PTPRD: variants seen among roughly 807,000 people sequenced by gnomAD.
PTPRD encodes the protein protein tyrosine phosphatase receptor type D, also known as receptor-type tyrosine-protein phosphatase delta.
In PTPRD, 34 loss-of-function variants were observed where a neutral mutation model predicts 214.5. The ratio of observed to expected loss-of-function variants is 0.16; its 90% CI spans 0.12 to 0.21. The LOEUF (loss-of-function observed/expected upper bound fraction) is 0.21, where lower values mean the gene tolerates loss of function less well. Ranked by LOEUF, PTPRD falls within the 10% of genes least tolerant of loss-of-function variation. The pLI is 1.00. For missense variants in PTPRD, 2,545 were observed against 2,398.7 expected, an observed-to-expected ratio of 1.06 and a Z score of -1.27; for synonymous variants, 1,128 against 845.7, an observed-to-expected ratio of 1.33 and a Z score of -5.79.
intron 5 of PTPRD, among the ~76,000 whole-genome samples, chr9:9,915,985 A>T (rs1331550776): frequency 6.6e-6 from 1 of 151,988 alleles, no homozygotes; most frequent in Non-Finnish European, 1.5e-5. Flanking sequence ...ATTAAGTAAC[A>T]TATAAGGGAA....
intron 3 of PTPRD, among the ~76,000 whole-genome samples, chr9:10,188,841 T>A (rs2099349597): frequency 1.3e-5 from 2 of 152,148 alleles, no homozygotes; most frequent in African/African-American, 4.8e-5. Context: ...TATCAGTTAT[T>A]TATGAGGCAA....
chr9:8,631,892 C>G (rs537264702), intron 14 of PTPRD, among the ~76,000 whole-genome samples: 28 of 151,788 alleles, frequency 1.8e-4, no homozygotes, highest in African/African-American at 6.3e-4. Flanking sequence ...ATGTGTTGGT[C>G]AGGGAATGGG....
At chr9:9,917,390 C>A (rs10978085) in intron 5 of PTPRD, among the ~76,000 whole-genome samples, 2 of 126,744 alleles carry the variant, frequency 1.6e-5, no homozygotes, top group Admixed American at 8.8e-5. Flanking sequence ...GAATACAAAA[C>A]ATTATTAGAG....
At chr9:9,209,542 C>T (rs1196950315) in intron 9 of PTPRD, among the ~76,000 whole-genome samples, 2 of 152,036 alleles carry the variant, frequency 1.3e-5, no homozygotes, top group African/African-American at 4.8e-5. Context: ...TTTTTTAAAT[C>T]TTAGAGATAT....
At chr9:8,526,706 G>C in intron 16 of PTPRD, 62 bp from the exon 17 acceptor site, 2 of 1,401,262 alleles carry the variant, frequency 1.4e-6, no homozygotes, top group Non-Finnish European at 2.0e-6. Flanking sequence ...CGAGAAGAAG[G>C]AGGCTAGGGC....
At chr9:10,316,028 C>A (rs1415637611) in intron 3 of PTPRD, among the ~76,000 whole-genome samples, 2 of 151,012 alleles carry the variant, frequency 1.3e-5, no homozygotes, top group Non-Finnish European at 3.0e-5. Context: ...ACAAAGTGAG[C>A]TGAACATAGT....
At chr9:8,968,579 C>T (rs1310259340) in intron 11 of PTPRD, among the ~76,000 whole-genome samples, 1 of 151,936 alleles carries the variant, frequency 6.6e-6, no homozygotes, top group African/African-American at 2.4e-5. Context: ...TCATTCAGTT[C>T]TTACCATAAT....
chr9:10,602,409 T>C (rs1368910011), intron 2 of PTPRD, among the ~76,000 whole-genome samples: 1 of 151,720 alleles, frequency 6.6e-6, no homozygotes, highest in East Asian at 1.9e-4. Flanking sequence ...GAGGATTATT[T>C]TATTCAACTT....
intron 10 of PTPRD, among the ~76,000 whole-genome samples, chr9:9,087,109 G>C (rs1271756240): frequency 1.3e-5 from 2 of 151,980 alleles, no homozygotes; most frequent in Non-Finnish European, 2.9e-5. Context: ...CTCTGAGTTG[G>C]CTTTTTTTTC....
intron 3 of PTPRD, among the ~76,000 whole-genome samples, chr9:10,212,331 G>C (rs972890997): frequency 1.3e-5 from 2 of 152,084 alleles, no homozygotes; most frequent in African/African-American, 2.4e-5. Context: ...TTTGGTAGCA[G>C]CTAAGCATAA....
At chr9:9,127,970 C>G (rs1455207485) in intron 10 of PTPRD, among the ~76,000 whole-genome samples, 1 of 152,166 alleles carries the variant, frequency 6.6e-6, no homozygotes, top group South Asian at 2.1e-4. Context: ...CTTCTTTTGC[C>G]TCTATTAACC....
intron 3 of PTPRD, among the ~76,000 whole-genome samples, chr9:10,200,153 C>T (rs576005045): frequency 6.6e-6 from 1 of 152,024 alleles, no homozygotes; most frequent in Non-Finnish European, 1.5e-5. Flanking sequence ...CTTTTACCTC[C>T]CTCTTGTTTC....
intron 2 of PTPRD, among the ~76,000 whole-genome samples, chr9:10,434,756 T>C (rs2098706164): frequency 6.6e-6 from 1 of 152,066 alleles, no homozygotes; most frequent in East Asian, 1.9e-4. Context: ...GTAATTTGTT[T>C]TGTCAAAGCT....
intron 11 of PTPRD, among the ~76,000 whole-genome samples, chr9:8,968,017 TCC>T (rs1567299363): frequency 6.6e-6 from 1 of 152,064 alleles, no homozygotes; most frequent in African/African-American, 2.4e-5. Flanking sequence ...GGTTTTTTTT[TCC>T]CTGCGATAGT....
chr9:9,020,862 G>T (rs767601641), intron 10 of PTPRD, among the ~76,000 whole-genome samples: 1 of 152,104 alleles, frequency 6.6e-6, no homozygotes, highest in Non-Finnish European at 1.5e-5. Context: ...GCTAGATGAC[G>T]TATCTACTCG....
chr9:10,180,792 G>T (rs905953575), intron 3 of PTPRD, among the ~76,000 whole-genome samples: 12 of 151,862 alleles, frequency 7.9e-5, no homozygotes, highest in African/African-American at 2.7e-4. Flanking sequence ...ATATTTACAT[G>T]TATCAGTCAA....
At chr9:9,620,694 A>G (rs377364910) in intron 7 of PTPRD, among the ~76,000 whole-genome samples, 55 of 152,248 alleles carry the variant, frequency 3.6e-4, no homozygotes, top group African/African-American at 1.2e-3. Flanking sequence ...GACACAATTA[A>G]AACAGGTTCT....
At chr9:8,369,323 T>A (rs1032946619) in intron 39 of PTPRD, among the ~76,000 whole-genome samples, 6 of 152,058 alleles carry the variant, frequency 3.9e-5, no homozygotes, top group African/African-American at 1.4e-4. Flanking sequence ...TTCATCACTA[T>A]TGGGTTGGGC....
chr9:9,367,417 T>C (rs761975895), intron 9 of PTPRD, among the ~76,000 whole-genome samples: 12 of 151,678 alleles, frequency 7.9e-5, no homozygotes, highest in Admixed American at 3.3e-4. Flanking sequence ...TTTCACCACA[T>C]TGACATTTTG....
Sources: gnomAD v4.1 joint callset for allele counts (sites outside exome capture counted in the v4.1 genomes callset) on GRCh38, gnomAD v4.1.1 for gene constraint, MANE v1.5 for transcripts, NCBI Gene and HGNC (gene_info 2026-07-23, HGNC 2026-07-21) for gene names.